LYSMD2: variants seen among roughly 807,000 people sequenced by gnomAD.
LYSMD2 encodes the protein LysM domain containing 2.
In LYSMD2, 6 loss-of-function variants were observed where a neutral mutation model predicts 17.7. That is an observed-to-expected ratio of 0.34 (90% confidence interval 0.19 to 0.67). LYSMD2 has a LOEUF of 0.67. Ranked by LOEUF, LYSMD2 falls within the 30% of genes least tolerant of loss-of-function variation. The probability of loss-of-function intolerance (pLI) is 0.69; values close to 1 mark genes in which losing one functional copy is unlikely to be tolerated. For synonymous variants in LYSMD2, 102 were observed against 129.8 expected (o/e 0.79, Z 1.45); for missense variants, 237 against 286.7 (o/e 0.83, Z 1.25).
chr15:51,742,553 T>C (rs1024030668), upstream of LYSMD2, among the ~76,000 whole-genome samples: 2 of 152,250 alleles, frequency 1.3e-5, no homozygotes, highest in African/African-American at 4.8e-5. Flanking sequence ...ATATTTTGAA[T>C]GTAAGTCCTT....
intron 1 of LYSMD2, among the ~76,000 whole-genome samples, chr15:51,745,106 C>G (rs1202341399): frequency 6.6e-6 from 1 of 152,120 alleles, no homozygotes; most frequent in Non-Finnish European, 1.5e-5. Flanking sequence ...CAAGCAAACA[C>G]TGAATTTGTC....
At chr15:51,744,390 T>A (rs1472628708) in intron 1 of LYSMD2, among the ~76,000 whole-genome samples, 2 of 152,188 alleles carry the variant, frequency 1.3e-5, no homozygotes, top group African/African-American at 4.8e-5. Context: ...CTGCATCTAT[T>A]GATATAATCA....
At chr15:51,739,193 T>C (rs2055631210), upstream of LYSMD2, among the ~76,000 whole-genome samples, 1 of 152,236 alleles carries the variant, frequency 6.6e-6, no homozygotes, top group African/African-American at 2.4e-5. Context: ...ACCTCTGGTT[T>C]AGTATTTAAC....
chr15:51,729,718 A>G (rs1200121302), intron 1 of LYSMD2, among the ~76,000 whole-genome samples: 2 of 152,206 alleles, frequency 1.3e-5, no homozygotes, highest in African/African-American at 4.8e-5. Flanking sequence ...TCGGTCTCCC[A>G]AAGTATTGGG....
At chr15:51,739,385 T>C (rs903483801), upstream of LYSMD2, among the ~76,000 whole-genome samples, 3 of 152,084 alleles carry the variant, frequency 2.0e-5, no homozygotes, top group African/African-American at 7.2e-5. Context: ...AATTGAGGTG[T>C]AGTAAAAAGA....
intron 1 of LYSMD2, among the ~76,000 whole-genome samples, chr15:51,749,104 C>T (rs575928897): frequency 6.6e-6 from 1 of 152,256 alleles, no homozygotes; most frequent in Non-Finnish European, 1.5e-5. Context: ...ACATTTTCAT[C>T]TTCTAAAAAG....
intron 1 of LYSMD2, among the ~76,000 whole-genome samples, chr15:51,733,942 T>C (rs1310957048): frequency 2.0e-5 from 3 of 152,178 alleles, no homozygotes; most frequent in Non-Finnish European, 2.9e-5. Context: ...CCCAACACTT[T>C]GGGAGGCCAA....
intron 1 of LYSMD2, among the ~76,000 whole-genome samples, chr15:51,748,553 T>C (rs1487006783): frequency 2.0e-5 from 3 of 152,328 alleles, no homozygotes; most frequent in South Asian, 2.1e-4. Flanking sequence ...GAAAACTCCA[T>C]CTCAAATTGA....
intron 1 of LYSMD2, among the ~76,000 whole-genome samples, chr15:51,742,976 G>GCATA (rs763638578): frequency 3.9e-5 from 6 of 152,052 alleles, no homozygotes; most frequent in Non-Finnish European, 7.4e-5. Flanking sequence ...ATACATACAT[G>GCATA]CATACATACA....
chr15:51,737,543 G>A lies in LYSMD2; in HGVS notation c.80C>T (p.Pro27Leu), dbSNP rs1359402082. Residue 27 changes from proline (P) to leucine (L), a missense_variant, in exon 1 of 3, where the codon CCG (proline) becomes CTG (leucine). By Grantham distance (98) the Pro-to-Leu change is moderately conservative (BLOSUM62 -3). Coordinates refer to ENST00000267838, the MANE Select transcript of LYSMD2 (RefSeq NM_153374.3). This position sits in a 1 kb window ranked among gnomAD's most constrained non-coding sequence, Gnocchi z 4.2. ...GGACTCGGAGCCGGAGCGCGAGCGC[G>A]GCGGCGGCGAGGGGGCCGAGGGCCG... is the stretch of plus-strand genomic sequence containing the variant. Reference protein sequence around the residue: ...APRPSAPSPPPRSRSGSESEE... With the variant: ...APRPSAPSPPLRSRSGSESEE... The A allele has an allele frequency of 8.1e-7, 1 of 1,231,452 alleles. No individual in the cohort carries two copies. The highest frequency in any genetic ancestry group is 3.3e-5 in the East Asian group (1 of 30,344). 76.3% of individuals were successfully genotyped at this position (1,231,452 alleles called of 1,614,324 possible). A position where few individuals can be genotyped will look rare whatever the true frequency, so the allele number is the denominator to read the frequency against.
intron 1 of LYSMD2, among the ~76,000 whole-genome samples, 179 bp from the exon 2 acceptor site, chr15:51,725,300 T>G (rs1388853468): frequency 6.6e-6 from 1 of 152,256 alleles, no homozygotes; most frequent in Non-Finnish European, 1.5e-5. Context: ...TTTCAAGAGA[T>G]GTTGGAGAAT....
chr15:51,727,016 C>T (rs1430633556), intron 1 of LYSMD2, among the ~76,000 whole-genome samples: 1 of 152,128 alleles, frequency 6.6e-6, no homozygotes, highest in African/African-American at 2.4e-5. Context: ...CCTGGTCTGA[C>T]AAAGATCTCA....
Position 51,723,587 on chromosome 15 carries a change from G to T in LYSMD2, c.*20C>A, listed in dbSNP as rs758672409. On this transcript the variant is annotated 3_prime_UTR_variant, in exon 3 of 3. Coordinates refer to ENST00000267838, the MANE Select transcript of LYSMD2 (RefSeq NM_153374.3). ...TCCAAACATATCTTAATTTTGGTTA[G>T]AGTTATGCCCCCAAATCACCTAACT... The T allele has an allele frequency of 8.2e-6, 13 of 1,594,332 alleles. No homozygotes were observed. In the Admixed American group the frequency reaches 2.2e-4, roughly 27 times the overall value.
At chr15:51,750,579 C>A (rs1186454205) in intron 1 of LYSMD2, among the ~76,000 whole-genome samples, 1 of 152,178 alleles carries the variant, frequency 6.6e-6, no homozygotes, top group Non-Finnish European at 1.5e-5. Flanking sequence ...CAAGATAAGT[C>A]CCATAAGCAA....
chr15:51,751,130 C>T (rs12903500), intron 1 of LYSMD2: 236,053 of 598,516 alleles, frequency 0.39, 47,328 homozygotes, highest in Admixed American at 0.46. Flanking sequence ...TTGGGCTCTC[C>T]AGCCCCTCAC....
intron 1 of LYSMD2, among the ~76,000 whole-genome samples, chr15:51,744,169 A>G (rs1459229506): frequency 2.0e-5 from 3 of 152,106 alleles, no homozygotes; most frequent in South Asian, 2.1e-4. Context: ...TAGGACTTCC[A>G]ATACAATGTT....
At chr15:51,736,984 G>A (rs1462207728) in intron 1 of LYSMD2, among the ~76,000 whole-genome samples, 1 of 152,222 alleles carries the variant, frequency 6.6e-6, no homozygotes, top group Admixed American at 6.5e-5. Flanking sequence ...GATGGGGCCT[G>A]CAAATTGGGT....
chr15:51,734,901 G>A (rs1412257370), intron 1 of LYSMD2, among the ~76,000 whole-genome samples: 1 of 152,186 alleles, frequency 6.6e-6, no homozygotes, highest in East Asian at 1.9e-4. Context: ...TTAGACCAGT[G>A]CAGTGGCTCA....
Position 51,724,886 on chromosome 15 carries a change from T to G in LYSMD2, c.509A>C (p.Gln170Pro). The stretch of plus-strand genomic sequence containing the variant: ...ATCTCTGGCTGACACTTCCTCAGGC[T>G]GCACAGGCTGAACATCAGATTCTTG... Reference protein sequence around the residue: ...SPQESDVQPVQPEEVSARDFL... With the variant: ...SPQESDVQPVPPEEVSARDFL... The change falls in exon 2 of 3, where the codon CAG becomes CCG. Residue 170 changes from glutamine to proline, a missense_variant. Gln to Pro is a moderately conservative substitution (Grantham distance 76). Transcript: ENST00000267838. 6.2e-7 allele frequency: 1 copy of G among 1,614,148 alleles called. No homozygotes were observed. The highest frequency in any genetic ancestry group is 2.2e-5 in the East Asian group (1 of 44,886).
Sources: allele counts gnomAD v4.1 joint callset (sites outside exome capture counted in the v4.1 genomes callset), GRCh38; gene constraint gnomAD v4.1.1; non-coding constraint Gnocchi (gnomAD v3.1); transcripts MANE v1.5; gene names NCBI Gene and HGNC (gene_info 2026-07-23, HGNC 2026-07-21).